TNKS: variants seen among roughly 807,000 people sequenced by gnomAD.
The protein encoded by TNKS is tankyrase.
Under a neutral mutation model 135.8 loss-of-function variants are expected in TNKS, and 72 were observed. That is an observed-to-expected ratio of 0.53 (90% CI 0.44 to 0.64). The LOEUF is 0.64. TNKS is among the 30% of genes least tolerant of loss of function. The pLI, the probability that TNKS is intolerant of heterozygous loss-of-function variation, is 0.00. For missense variants in TNKS, 1,769 were observed against 1,674.0 expected (o/e 1.06, Z -0.99); for synonymous variants, 849 against 649.3 (o/e 1.31, Z -4.68).
At position 9,751,724 on chromosome 8, in the gene TNKS, C is replaced by G. The variant is rs149754939; in HGVS notation, c.2948C>G (p.Pro983Arg). The change falls in exon 19 of 27, where the codon CCC (proline) becomes CGC (arginine). Residue 983 changes from proline to arginine, a missense_variant. Pro to Arg is a moderately radical substitution (Grantham distance 103, BLOSUM62 -2). Transcript: ENST00000310430. The part of the protein sequence containing the change: ...SASLISPAST[P>R]SCLSAASSID... The stretch of plus-strand genomic sequence containing the variant: ...TCTCTGATCTCACCAGCATCCACCC[C>G]CTCCTGCCTCTCGGCTGCCAGCAGC... 1.5e-5 allele frequency: 25 copies of G among 1,614,094 alleles called. No homozygotes were observed. The highest frequency in any genetic ancestry group is 3.3e-5 in the Admixed American group (2 of 60,002).
intron 13 of TNKS, among the ~76,000 whole-genome samples, chr8:9,727,042 C>T (rs1346409677): frequency 6.6e-6 from 1 of 152,180 alleles, no homozygotes; most frequent in African/African-American, 2.4e-5. Flanking sequence ...ATATTAATTA[C>T]AGTGTTACTA....
In TNKS at chr8:9,710,161, G is replaced by T; in HGVS notation, c.1690G>T (p.Val564Phe). The T allele has an allele frequency of 1.2e-6, 2 of 1,614,168 alleles. No homozygotes were observed. The highest frequency in any genetic ancestry group is 2.2e-5 in the East Asian group (1 of 44,880). ...KNKDFMTPLHVAAERAHNDVM... is the reference protein window; with the variant it reads ...KNKDFMTPLHFAAERAHNDVM... ...CTGTAGTTTCATGACTCCCCTGCAT[G>T]TTGCAGCCGAAAGAGCCCATAATGA... The change falls in exon 11 of 27, where the codon GTT (valine) becomes TTT (phenylalanine). Residue 564 changes from valine (V) to phenylalanine (F), a missense_variant. Physicochemically the swap from Val to Phe is conservative, Grantham distance 50. Coordinates refer to ENST00000310430, the MANE Select transcript of TNKS (RefSeq NM_003747.3).
At chr8:9,698,288 G>A (rs554868809) in intron 5 of TNKS, among the ~76,000 whole-genome samples, 11 of 148,842 alleles carry the variant, frequency 7.4e-5, no homozygotes, top group Non-Finnish European at 1.6e-4. Flanking sequence ...CTACCTATTG[G>A]GTACCATGCT....
intron 5 of TNKS, among the ~76,000 whole-genome samples, chr8:9,699,130 T>C (rs941598733): frequency 6.6e-6 from 1 of 152,246 alleles, no homozygotes; most frequent in Non-Finnish European, 1.5e-5. Context: ...GTTTGATGCT[T>C]GTGTTTACTA....
intron 12 of TNKS, among the ~76,000 whole-genome samples, chr8:9,721,882 A>T (rs964309732): frequency 6.6e-6 from 1 of 151,908 alleles, no homozygotes; most frequent in African/African-American, 2.4e-5. Context: ...TGAAACCCCC[A>T]TCTCTACTAA....
At chr8:9,629,435 C>CT (rs1034872790) in intron 3 of TNKS, among the ~76,000 whole-genome samples, 8 of 152,190 alleles carry the variant, frequency 5.3e-5, no homozygotes, top group Non-Finnish European at 1.0e-4. Context: ...CCTTAAAAAT[C>CT]TTTTCACTTG....
chr8:9,705,566 A>G (rs977001419), intron 6 of TNKS, among the ~76,000 whole-genome samples: 15 of 152,022 alleles, frequency 9.9e-5, no homozygotes, highest in African/African-American at 2.9e-4. Context: ...TCCATTTCCA[A>G]TCTGCTTTTT....
intron 13 of TNKS, 98 bp from the exon 14 acceptor site, chr8:9,730,792 A>G: frequency 7.5e-7 from 1 of 1,339,328 alleles, no homozygotes; most frequent in Non-Finnish European, 1.0e-6. Flanking sequence ...AGACAATTAT[A>G]ATTTACTTAT....
chr8:9,667,404 C>T (rs1174429192), intron 3 of TNKS, among the ~76,000 whole-genome samples: 1 of 152,228 alleles, frequency 6.6e-6, no homozygotes, highest in African/African-American at 2.4e-5. Context: ...AGCCCTTGCT[C>T]TTATCGGGAT....
chr8:9,713,430 A>G (rs1804432582), intron 11 of TNKS, among the ~76,000 whole-genome samples: 1 of 152,220 alleles, frequency 6.6e-6, no homozygotes, highest in African/African-American at 2.4e-5. Context: ...GTTCAATGGA[A>G]AATAACATTA....
intron 2 of TNKS, among the ~76,000 whole-genome samples, chr8:9,583,790 A>G (rs572882043): frequency 6.6e-6 from 1 of 151,820 alleles, no homozygotes; most frequent in East Asian, 2.0e-4. Context: ...CCCAGCCTGT[A>G]TGGTTTTTTG....
At chr8:9,699,094 G>C (rs1343555048) in intron 5 of TNKS, among the ~76,000 whole-genome samples, 2 of 152,178 alleles carry the variant, frequency 1.3e-5, no homozygotes, top group Non-Finnish European at 2.9e-5. Context: ...AGTGATTGCT[G>C]TGCTGTGTAT....
chr8:9,585,513 A>T (rs1281343969), intron 2 of TNKS, among the ~76,000 whole-genome samples: 1 of 152,328 alleles, frequency 6.6e-6, no homozygotes, highest in East Asian at 1.9e-4. Flanking sequence ...TCCAGAAAGA[A>T]GGAATAAGTT....
chr8:9,584,524 G>A (rs1798294955), intron 2 of TNKS, among the ~76,000 whole-genome samples: 1 of 152,150 alleles, frequency 6.6e-6, no homozygotes, highest in African/African-American at 2.4e-5. Flanking sequence ...CCTACTCTTA[G>A]CTCTACAGCT....
Position 9,555,927 on chromosome 8 carries a change from G to A in TNKS, c.-13G>A, listed in dbSNP as rs766898393. 1.2e-6 allele frequency: 2 copies of A among 1,604,644 alleles called. No homozygotes were observed. Among genetic ancestry groups the A allele is most frequent in the Non-Finnish European group, 1.7e-6 (2 of 1,175,956 alleles). ...GGCCGTTGCCGCAGTGACAGTGCTA[G>A]GGGAGTCCGAAGATGGCGGCGTCGC... On this transcript the variant is annotated 5_prime_UTR_variant, in exon 1 of 27. Transcript: ENST00000310430.
At chr8:9,756,034 A>T (rs115828493) in intron 20 of TNKS, among the ~76,000 whole-genome samples, 3,377 of 152,270 alleles carry the variant, frequency 0.022, 116 homozygotes, top group African/African-American at 0.077. Context: ...GTACCTATGA[A>T]CATAGGTAGG....
rs951774748 is a variant in TNKS at position 9,720,610 on chromosome 8, A to C, written c.1921+65A>C. On this transcript the variant is annotated intron_variant, in intron 12 of 26. Coordinates refer to ENST00000310430, the MANE Select transcript of TNKS (RefSeq NM_003747.3). ...CTTCCATCCCTGCTGAAATACACAG[A>C]CAAACTTTGCAGTGTTTACTTTGCC... 5.4e-6 allele frequency: 8 copies of C among 1,495,246 alleles called. No individual in the cohort carries two copies. The African/African-American group carries it at 8.5e-5, about 16-fold the overall frequency. 92.6% of individuals were successfully genotyped at this position (1,495,246 alleles called of 1,614,324 possible).
At chr8:9,618,241 A>T (rs1196761575) in intron 3 of TNKS, among the ~76,000 whole-genome samples, 1 of 152,122 alleles carries the variant, frequency 6.6e-6, no homozygotes, top group Non-Finnish European at 1.5e-5. Flanking sequence ...TCTGCCTGAC[A>T]GTCTCTTTTT....
chr8:9,775,467 AT>A (rs1191607913), intron 26 of TNKS, among the ~76,000 whole-genome samples: 2 of 14,242 alleles, frequency 1.4e-4, no homozygotes, highest in African/African-American at 1.0e-3. Flanking sequence ...TTCTATATAT[AT>A]ATATATATAT....
Sources: gnomAD v4.1 joint callset for allele counts (sites outside exome capture counted in the v4.1 genomes callset) on GRCh38, gnomAD v4.1.1 for gene constraint, MANE v1.5 for transcripts, NCBI Gene and HGNC (gene_info 2026-07-23, HGNC 2026-07-21) for gene names.